Variants in GPR39 observed in about 807,000 individuals in gnomAD.
The protein encoded by GPR39 is G protein-coupled receptor 39.
Under a neutral mutation model 18.4 loss-of-function variants are expected in GPR39, and 23 were observed. That is an observed-to-expected ratio of 1.25 (90% CI 0.90 to 1.77). The LOEUF (loss-of-function observed/expected upper bound fraction) is 1.77. GPR39 is among the 40% of genes most tolerant of loss of function. GPR39 has a pLI of 0.00. For missense variants in GPR39, 647 were observed against 602.4 expected, an observed-to-expected ratio of 1.07 and a Z score of -0.78; for synonymous variants, 280 against 257.9, an observed-to-expected ratio of 1.09 and a Z score of -0.82.
intron 1 of GPR39, among the ~76,000 whole-genome samples, chr2:132,594,395 C>G (rs1200540994): frequency 1.3e-5 from 2 of 151,786 alleles, no homozygotes; most frequent in Admixed American, 1.3e-4. Context: ...CTTGCCTCCT[C>G]AATAGATAGT....
intron 1 of GPR39, among the ~76,000 whole-genome samples, chr2:132,535,517 A>G (rs1022117863): frequency 3.3e-5 from 5 of 152,004 alleles, no homozygotes; most frequent in Admixed American, 1.3e-4. Flanking sequence ...ATTGGCCTGA[A>G]GTTTTCTTTT....
intron 1 of GPR39, among the ~76,000 whole-genome samples, chr2:132,477,306 G>A: frequency 6.6e-6 from 1 of 152,136 alleles, no homozygotes; most frequent in East Asian, 1.9e-4. Flanking sequence ...CACAAGGAAG[G>A]GCTTCTCAGG....
At chr2:132,629,204 A>G (rs926467507) in intron 1 of GPR39, among the ~76,000 whole-genome samples, 4 of 152,200 alleles carry the variant, frequency 2.6e-5, no homozygotes, top group Non-Finnish European at 4.4e-5. Context: ...GAAGTTACAA[A>G]AGGCTTAGAT....
intron 1 of GPR39, among the ~76,000 whole-genome samples, chr2:132,426,393 T>C (rs1680118399): frequency 6.6e-6 from 1 of 152,218 alleles, no homozygotes; most frequent in African/African-American, 2.4e-5. Context: ...ATTGATCTTA[T>C]AATTATCATC....
At chr2:132,513,258 C>T (rs150517724) in intron 1 of GPR39, among the ~76,000 whole-genome samples, 6 of 152,052 alleles carry the variant, frequency 3.9e-5, no homozygotes, top group African/African-American at 1.4e-4. Flanking sequence ...AAGAAAACCA[C>T]TAAAGCCAGT....
At chr2:132,495,500 C>T (rs987702137) in intron 1 of GPR39, among the ~76,000 whole-genome samples, 7 of 152,092 alleles carry the variant, frequency 4.6e-5, no homozygotes, top group African/African-American at 7.2e-5. Flanking sequence ...CCTTACTGGC[C>T]GGGCTTTTCA....
intron 1 of GPR39, among the ~76,000 whole-genome samples, chr2:132,534,157 C>A (rs1172735489): frequency 1.3e-5 from 2 of 152,020 alleles, no homozygotes; most frequent in South Asian, 2.1e-4. Context: ...AAAAAAACAA[C>A]CCCATCAAAA....
At chr2:132,425,060 A>G (rs1262706472) in intron 1 of GPR39, among the ~76,000 whole-genome samples, 1 of 152,168 alleles carries the variant, frequency 6.6e-6, no homozygotes, top group Non-Finnish European at 1.5e-5. Context: ...TGTCATCTCT[A>G]TTGCTCAATG....
At chr2:132,576,110 T>G (rs1380085200) in intron 1 of GPR39, among the ~76,000 whole-genome samples, 1 of 152,194 alleles carries the variant, frequency 6.6e-6, no homozygotes, top group African/African-American at 2.4e-5. Flanking sequence ...TTAACAGCGG[T>G]CTGAACAGAC....
intron 1 of GPR39, among the ~76,000 whole-genome samples, chr2:132,532,730 A>G (rs1679664355): frequency 1.3e-5 from 2 of 152,224 alleles, no homozygotes; most frequent in Admixed American, 6.5e-5. Context: ...TATAAACAGA[A>G]CCAAAGACAA....
chr2:132,475,132 T>G (rs895955008), intron 1 of GPR39, among the ~76,000 whole-genome samples: 2 of 152,136 alleles, frequency 1.3e-5, no homozygotes, highest in Non-Finnish European at 2.9e-5. Context: ...CCAGGTATCC[T>G]TATCAGCTAA....
rs1681748446 is a variant in GPR39 at position 132,635,983 on chromosome 2, C to T, written c.857-9118C>T. 1.3e-5 allele frequency among the ~76,000 whole-genome samples: 2 copies of T among 152,184 alleles called. 1 individual carries two copies. Among genetic ancestry groups the T allele is most frequent in the South Asian group, 4.1e-4 (2 of 4,826 alleles). On this transcript the variant is annotated intron_variant, in intron 1 of 1. Coordinates refer to ENST00000329321, the MANE Select transcript of GPR39 (RefSeq NM_001508.3). Reference sequence around the variant, plus strand: ...GCTGGCACGTTGATCTGGGACTTCCCAGCCTCTGGAACTAGGAGGAATAAA... The same window carrying T: ...GCTGGCACGTTGATCTGGGACTTCCTAGCCTCTGGAACTAGGAGGAATAAA...
At chr2:132,609,147 C>T (rs185643940) in intron 1 of GPR39, among the ~76,000 whole-genome samples, 158 of 152,262 alleles carry the variant, frequency 1.0e-3, no homozygotes, top group Non-Finnish European at 2.6e-4. Flanking sequence ...TGTAGGTACG[C>T]GGCCATGGGC....
At chr2:132,519,287 A>T (rs940059199) in intron 1 of GPR39, among the ~76,000 whole-genome samples, 1 of 151,756 alleles carries the variant, frequency 6.6e-6, no homozygotes, top group African/African-American at 2.4e-5. Context: ...AAGGTTGTTT[A>T]TTATTATTAT....
intron 1 of GPR39, among the ~76,000 whole-genome samples, chr2:132,457,549 C>T (rs1680752227): frequency 6.6e-6 from 1 of 152,176 alleles, no homozygotes; most frequent in South Asian, 2.1e-4. Context: ...TCAGTCAGCC[C>T]CTACTGGGAG....
intron 1 of GPR39, among the ~76,000 whole-genome samples, chr2:132,508,315 A>G (rs1002672783): frequency 6.6e-6 from 1 of 152,128 alleles, no homozygotes; most frequent in Admixed American, 6.5e-5. Context: ...AGTCTCATCA[A>G]AGGACTTCAG....
chr2:132,506,586 T>C (rs1422006521), intron 1 of GPR39, among the ~76,000 whole-genome samples: 2 of 152,166 alleles, frequency 1.3e-5, no homozygotes, highest in African/African-American at 4.8e-5. Context: ...TGTACAATCA[T>C]GGCAGAAGGC....
intron 1 of GPR39, among the ~76,000 whole-genome samples, chr2:132,505,629 G>A (rs4321421): frequency 0.97 from 148,158 of 152,298 alleles, 72,209 homozygotes; most frequent in East Asian, 1. Flanking sequence ...GATAGCTCCT[G>A]CAAATGAGTG....
chr2:132,562,978 C>T (rs778904209), intron 1 of GPR39, among the ~76,000 whole-genome samples: 1 of 152,174 alleles, frequency 6.6e-6, no homozygotes, highest in Non-Finnish European at 1.5e-5. Context: ...AAAAAAGCGG[C>T]ATTATTCCCA....
Sources: gnomAD v4.1 joint callset for allele counts (sites outside exome capture counted in the v4.1 genomes callset) on GRCh38, gnomAD v4.1.1 for gene constraint, MANE v1.5 for transcripts, NCBI Gene and HGNC (gene_info 2026-07-23, HGNC 2026-07-21) for gene names.